Variants in TIAM1 observed in about 807,000 individuals in gnomAD.
TIAM1 encodes TIAM Rac1 associated GEF 1, also known as rho guanine nucleotide exchange factor TIAM1.
In TIAM1, 65 loss-of-function variants were observed where a neutral mutation model predicts 163.5. That is an observed-to-expected ratio of 0.40 (90% CI 0.33 to 0.49). TIAM1 has a LOEUF of 0.49. Ranked by LOEUF, TIAM1 falls within the 20% of genes least tolerant of loss-of-function variation. The probability of loss-of-function intolerance (pLI) is 0.77; values close to 1 mark genes in which losing one functional copy is unlikely to be tolerated. For synonymous variants in TIAM1, 833 were observed against 810.1 expected (o/e 1.03, Z -0.48); for missense variants, 1,789 against 2,044.7 (o/e 0.87, Z 2.41).
intron 2 of TIAM1, among the ~76,000 whole-genome samples, chr21:31,458,147 C>A (rs999537367): frequency 6.6e-6 from 1 of 152,166 alleles, no homozygotes. Flanking sequence ...CGGCCGGGTG[C>A]GGGGGCTCAC....
At chr21:31,249,998 T>C (rs956417715) in intron 5 of TIAM1, among the ~76,000 whole-genome samples, 5 of 151,376 alleles carry the variant, frequency 3.3e-5, no homozygotes, top group African/African-American at 1.2e-4. Flanking sequence ...ATAAAAACAT[T>C]AGCCAGGCAT....
At chr21:31,125,372 C>T (rs769734662) in intron 26 of TIAM1, among the ~76,000 whole-genome samples, 1 of 152,020 alleles carries the variant, frequency 6.6e-6, no homozygotes, top group Non-Finnish European at 1.5e-5. Context: ...ATGGACCTTA[C>T]CAACAAAATC....
intron 10 of TIAM1, 31 bp from the exon 11 acceptor site, chr21:31,210,246 C>A: frequency 6.2e-7 from 1 of 1,608,072 alleles, no homozygotes. Flanking sequence ...AGCAGGGCAG[C>A]AGCAGTGGAG....
At chr21:31,330,674 G>C (rs187784630) in intron 2 of TIAM1, among the ~76,000 whole-genome samples, 1 of 152,286 alleles carries the variant, frequency 6.6e-6, no homozygotes, top group Non-Finnish European at 1.5e-5. Flanking sequence ...CTGACCTCAA[G>C]TGATCTACCT....
chr21:31,151,294 C>T (rs1043721471), intron 19 of TIAM1, among the ~76,000 whole-genome samples: 2 of 152,128 alleles, frequency 1.3e-5, no homozygotes, highest in African/African-American at 2.4e-5. Flanking sequence ...TTTGTAATTA[C>T]CAAAAACTGG....
At chr21:31,466,641 G>A (rs1271939184) in intron 1 of TIAM1, among the ~76,000 whole-genome samples, 1 of 152,182 alleles carries the variant, frequency 6.6e-6, no homozygotes, top group Non-Finnish European at 1.5e-5. Flanking sequence ...GGAAGTACTA[G>A]CCAGAGCAAA....
intron 2 of TIAM1, among the ~76,000 whole-genome samples, chr21:31,391,461 C>T (rs2076963860): frequency 6.6e-6 from 1 of 152,060 alleles, no homozygotes; most frequent in African/African-American, 2.4e-5. Context: ...CCCGGCTCTA[C>T]TAAAAATACA....
chr21:31,306,797 T>C (rs1303591008), intron 2 of TIAM1, among the ~76,000 whole-genome samples: 1 of 152,098 alleles, frequency 6.6e-6, no homozygotes, highest in African/African-American at 2.4e-5. Context: ...CACGAGACAA[T>C]CACGGGCAAG....
intron 2 of TIAM1, among the ~76,000 whole-genome samples, chr21:31,279,715 C>A (rs763843455): frequency 1.8e-4 from 28 of 152,270 alleles, no homozygotes; most frequent in Middle Eastern, 3.4e-3. Flanking sequence ...ATCCCATTAT[C>A]GTTTCTCAAT....
chr21:31,371,820 T>A lies in TIAM1; in HGVS notation c.-368-32398A>T, dbSNP rs191026154. ...CAGGTTCTCTGAAGACTCTTTTAGA[T>A]CCTAGACTCTTCATAACGGCTCTCA... On this transcript the variant is annotated intron_variant, in intron 2 of 28. Coordinates refer to the TIAM1 transcript ENST00000286827. Among the ~76,000 whole-genome samples the A allele has an allele frequency of 8.9e-4, 136 of 152,254 alleles. 1 individual carries two copies. The highest frequency in any genetic ancestry group is 3.2e-3 in the African/African-American group (133 of 41,530).
At chr21:31,297,786 T>C (rs1235565142) in intron 2 of TIAM1, among the ~76,000 whole-genome samples, 1 of 152,166 alleles carries the variant, frequency 6.6e-6, no homozygotes, top group Admixed American at 6.5e-5. Context: ...AAATATGATA[T>C]AATGCTCAGA....
intron 1 of TIAM1, among the ~76,000 whole-genome samples, chr21:31,541,289 T>C (rs534534913): frequency 1.7e-4 from 26 of 152,072 alleles, no homozygotes; most frequent in South Asian, 4.1e-4. Flanking sequence ...AAACCCCTTC[T>C]CTACAAAAAA....
At chr21:31,128,451 T>C (rs898284746) in intron 25 of TIAM1, among the ~76,000 whole-genome samples, 1 of 152,214 alleles carries the variant, frequency 6.6e-6, no homozygotes, top group African/African-American at 2.4e-5. Flanking sequence ...TGTTTACTCC[T>C]CAACGCAGGC....
At chr21:31,543,346 C>CA (rs1376216185) in intron 1 of TIAM1, among the ~76,000 whole-genome samples, 1 of 152,232 alleles carries the variant, frequency 6.6e-6, no homozygotes, top group Non-Finnish European at 1.5e-5. Flanking sequence ...TGCGTGCGTA[C>CA]AGACTGCTGA....
chr21:31,317,363 G>C (rs181118102), intron 2 of TIAM1, among the ~76,000 whole-genome samples: 1 of 152,214 alleles, frequency 6.6e-6, no homozygotes, highest in Admixed American at 6.5e-5. Context: ...CTGAGGAGGA[G>C]AATTGCTTGA....
intron 22 of TIAM1, among the ~76,000 whole-genome samples, chr21:31,140,484 C>G (rs530942955): frequency 1.3e-5 from 2 of 152,248 alleles, no homozygotes; most frequent in South Asian, 4.1e-4. Flanking sequence ...CACAGTAATG[C>G]TTTGATATAT....
Position 31,554,712 on chromosome 21 carries a change from A to AC in TIAM1, c.-422+4214dup, listed in dbSNP as rs5843524. ...CAGATCATGCCTGCGTAGTACCCCC[A>AC]CCCCCTCCACCTCTGCAATCCTTTC... On this transcript the variant is annotated intron_variant, in intron 1 of 28. Coordinates refer to the TIAM1 transcript ENST00000286827. 9.3e-3 allele frequency among the ~76,000 whole-genome samples: 1,403 copies of AC among 150,228 alleles called. 69 individuals carry two copies. Among genetic ancestry groups the AC allele is most frequent in the Admixed American group, 0.079 (1,182 of 14,962 alleles).
chr21:31,295,391 A>AC (rs2146932694), intron 2 of TIAM1, among the ~76,000 whole-genome samples: 1 of 144,946 alleles, frequency 6.9e-6, no homozygotes, highest in Admixed American at 7.2e-5. Flanking sequence ...AATGGCGTGA[A>AC]CCCAGGAGGC....
chr21:31,425,671 TTCTTTCTCTCTCTC>T (rs1569320236), intron 2 of TIAM1, among the ~76,000 whole-genome samples: 1 of 137,308 alleles, frequency 7.3e-6, no homozygotes, highest in Non-Finnish European at 1.6e-5. Context: ...CTCTCTCTCT[TTCTTTCTCTCTCTC>T]TCTTTCTTTC....
Sources: allele counts gnomAD v4.1 joint callset (sites outside exome capture counted in the v4.1 genomes callset), GRCh38; gene constraint gnomAD v4.1.1; transcripts MANE v1.5; gene names NCBI Gene and HGNC (gene_info 2026-07-23, HGNC 2026-07-21).